SLC25A21: variants seen among roughly 807,000 people sequenced by gnomAD.
SLC25A21 encodes the protein mitochondrial 2-oxodicarboxylate carrier.
SLC25A21 carries 47 observed loss-of-function variants against 43.8 expected under a neutral mutation model. That is an observed-to-expected ratio of 1.07 (90% CI 0.85 to 1.37). The LOEUF (loss-of-function observed/expected upper bound fraction) is 1.37. SLC25A21 is among the 40% of genes most tolerant of loss of function. SLC25A21 has a pLI of 0.00. For missense variants in SLC25A21, 352 were observed against 350.2 expected (o/e 1.00, Z -0.04); for synonymous variants, 131 against 121.3 (o/e 1.08, Z -0.52).
intron 3 of SLC25A21, among the ~76,000 whole-genome samples, chr14:36,795,001 C>T (rs1887627144): frequency 6.6e-6 from 1 of 151,924 alleles, no homozygotes; most frequent in African/African-American, 2.4e-5. Flanking sequence ...GCCACTAGAC[C>T]ATGCTAGTAA....
At chr14:36,741,508 G>T (rs1885262221) in intron 3 of SLC25A21, among the ~76,000 whole-genome samples, 1 of 152,176 alleles carries the variant, frequency 6.6e-6, no homozygotes, top group African/African-American at 2.4e-5. Context: ...GGAAGCTGGG[G>T]CTTTCCCTGG....
chr14:37,156,982 C>A (rs146143329), intron 1 of SLC25A21, among the ~76,000 whole-genome samples: 13 of 152,314 alleles, frequency 8.5e-5, no homozygotes, highest in African/African-American at 3.1e-4. Flanking sequence ...AATATACATT[C>A]TTTTCAGCCA....
At chr14:36,914,128 T>C (rs1273162018) in intron 1 of SLC25A21, among the ~76,000 whole-genome samples, 1 of 152,212 alleles carries the variant, frequency 6.6e-6, no homozygotes, top group African/African-American at 2.4e-5. Flanking sequence ...ATAAACTTTC[T>C]AAAAATCAGA....
At chr14:36,828,897 C>T (rs866911720) in intron 2 of SLC25A21, among the ~76,000 whole-genome samples, 1 of 152,170 alleles carries the variant, frequency 6.6e-6, no homozygotes, top group South Asian at 2.1e-4. Context: ...CTCTCTACCC[C>T]TTTCTTTGTT....
chr14:36,731,600 G>T (rs752122037), intron 4 of SLC25A21, among the ~76,000 whole-genome samples: 1 of 152,064 alleles, frequency 6.6e-6, no homozygotes, highest in Non-Finnish European at 1.5e-5. Flanking sequence ...CAATGCCCTG[G>T]GGCTGCTGAA....
intron 1 of SLC25A21, among the ~76,000 whole-genome samples, chr14:36,913,209 T>C (rs1016805694): frequency 3.3e-5 from 5 of 152,214 alleles, no homozygotes; most frequent in South Asian, 2.1e-4. Flanking sequence ...GCCTATATAT[T>C]ACTTAGATAA....
At chr14:36,759,255 G>A (rs116854395) in intron 3 of SLC25A21, among the ~76,000 whole-genome samples, 22 of 152,216 alleles carry the variant, frequency 1.4e-4, no homozygotes, top group Non-Finnish European at 2.6e-4. Context: ...ATTTGAGTGG[G>A]CACCCTTTCT....
intron 1 of SLC25A21, among the ~76,000 whole-genome samples, chr14:37,022,846 C>CCA (rs1450088399): frequency 3.3e-5 from 5 of 151,978 alleles, no homozygotes; most frequent in Admixed American, 2.6e-4. Context: ...ATCATTTCTA[C>CCA]CACACAATCG....
chr14:36,752,371 T>C (rs2139261782), intron 3 of SLC25A21, among the ~76,000 whole-genome samples: 1 of 152,298 alleles, frequency 6.6e-6, no homozygotes, highest in Non-Finnish European at 1.5e-5. Flanking sequence ...AGATTTACCA[T>C]ATGATCCAGC....
intron 3 of SLC25A21, among the ~76,000 whole-genome samples, chr14:36,799,850 GT>G (rs1343095635): frequency 6.6e-6 from 1 of 152,060 alleles, no homozygotes; most frequent in African/African-American, 2.4e-5. Context: ...GTAAGTTATT[GT>G]TTTAGTTGCT....
chr14:37,160,008 CAAT>C lies in SLC25A21; in HGVS notation c.70+12270_70+12272del, dbSNP rs1241466093. Among the ~76,000 whole-genome samples, 3 of 152,186 alleles carry C rather than the reference CAAT, an allele frequency of 2.0e-5. No homozygotes were observed. In the East Asian group the frequency reaches 5.8e-4, roughly 29 times the overall value. ...ATCAGAGAAATGCAAATCAAAACCACAATGAGATATCATCTCTACCCAGTTAGA... is the reference window on the plus strand; with the variant it reads ...ATCAGAGAAATGCAAATCAAAACCACGAGATATCATCTCTACCCAGTTAGA... On this transcript the variant is annotated intron_variant, in intron 1 of 9. Transcript: ENST00000331299.
chr14:36,910,756 C>G lies in SLC25A21; in HGVS notation c.71-35752G>C, dbSNP rs553313329. Among the ~76,000 whole-genome samples the G allele has an allele frequency of 5.9e-5, 9 of 152,188 alleles. No homozygotes were observed. In the East Asian group the frequency reaches 1.7e-3, roughly 29 times the overall value. Reference sequence around the variant, plus strand: ...CTAAGCATTCATTAGTGGCTTATTTCGGAATTACAGTCATTTCATCACTGA... The same window carrying G: ...CTAAGCATTCATTAGTGGCTTATTTGGGAATTACAGTCATTTCATCACTGA... On this transcript the variant is annotated intron_variant, in intron 1 of 9. Coordinates refer to ENST00000331299, the MANE Select transcript of SLC25A21 (RefSeq NM_030631.4).
chr14:37,142,387 G>T (rs756344436), intron 1 of SLC25A21, among the ~76,000 whole-genome samples: 3 of 152,130 alleles, frequency 2.0e-5, no homozygotes, highest in African/African-American at 7.2e-5. Context: ...TGGAGACAGG[G>T]TTTTGCTCTG....
At chr14:37,125,852 T>C (rs929369900) in intron 1 of SLC25A21, among the ~76,000 whole-genome samples, 1 of 152,184 alleles carries the variant, frequency 6.6e-6, no homozygotes, top group African/African-American at 2.4e-5. Context: ...AAGATTTCAT[T>C]GTACTGAGTA....
At chr14:36,871,325 A>G (rs1378149491) in intron 2 of SLC25A21, among the ~76,000 whole-genome samples, 1 of 152,170 alleles carries the variant, frequency 6.6e-6, no homozygotes, top group Non-Finnish European at 1.5e-5. Context: ...ACAGGCCGTT[A>G]CCAGACATCA....
chr14:37,154,893 C>T (rs1303697104), intron 1 of SLC25A21, among the ~76,000 whole-genome samples: 1 of 152,174 alleles, frequency 6.6e-6, no homozygotes, highest in Non-Finnish European at 1.5e-5. Flanking sequence ...CTACCCGCCT[C>T]AGCCTCCCAA....
intron 1 of SLC25A21, among the ~76,000 whole-genome samples, chr14:36,878,007 T>G (rs568659763): frequency 6.6e-6 from 1 of 152,292 alleles, no homozygotes; most frequent in East Asian, 1.9e-4. Flanking sequence ...TGACCTCTGC[T>G]AATGTGCTCT....
chr14:37,022,329 G>A (rs79569674), intron 1 of SLC25A21, among the ~76,000 whole-genome samples: 216 of 151,936 alleles, frequency 1.4e-3, no homozygotes, highest in African/African-American at 4.9e-3. Context: ...AGTTTTCAAT[G>A]TTTCACAATA....
At chr14:36,822,205 T>C (rs1888661643) in intron 2 of SLC25A21, among the ~76,000 whole-genome samples, 1 of 152,254 alleles carries the variant, frequency 6.6e-6, no homozygotes, top group Admixed American at 6.5e-5. Context: ...TTTCACATTC[T>C]AGGCCTGGCA....
Sources: gnomAD v4.1 joint callset for allele counts (sites outside exome capture counted in the v4.1 genomes callset) on GRCh38, gnomAD v4.1.1 for gene constraint, MANE v1.5 for transcripts, NCBI Gene and HGNC (gene_info 2026-07-23, HGNC 2026-07-21) for gene names.